Variants in SOX6 observed in about 807,000 individuals in gnomAD.
The protein encoded by SOX6 is SRY-box transcription factor 6.
SOX6 carries 11 observed loss-of-function variants against 97.8 expected under a neutral mutation model. That is an observed-to-expected ratio of 0.11 (90% CI 0.07 to 0.19). SOX6 has a LOEUF of 0.19. SOX6 is among the 10% of genes least tolerant of loss of function. SOX6 has a pLI of 1.00. For synonymous variants in SOX6, 360 were observed against 371.4 expected (o/e 0.97, Z 0.35); for missense variants, 810 against 1,039.5 (o/e 0.78, Z 3.04).
At chr11:16,358,475 C>G (rs920644662), upstream of SOX6, among the ~76,000 whole-genome samples, 1 of 152,116 alleles carries the variant, frequency 6.6e-6, no homozygotes, top group African/African-American at 2.4e-5. Flanking sequence ...GTTTGAACAT[C>G]TAGCAGCTGA....
At chr11:16,085,662 GT>G (rs1467362171) in intron 9 of SOX6, among the ~76,000 whole-genome samples, 1 of 152,162 alleles carries the variant, frequency 6.6e-6, no homozygotes, top group Admixed American at 6.5e-5. Flanking sequence ...GAGAGGTTAA[GT>G]GAGAGCAACA....
At chr11:16,257,162 C>T (rs1261577464) in intron 3 of SOX6, among the ~76,000 whole-genome samples, 1 of 151,808 alleles carries the variant, frequency 6.6e-6, no homozygotes, top group Non-Finnish European at 1.5e-5. Context: ...TCAATGCAAT[C>T]CCAATCAAAA....
chr11:16,255,841 GAA>G (rs35186404), intron 3 of SOX6, among the ~76,000 whole-genome samples: 3 of 139,934 alleles, frequency 2.1e-5, no homozygotes, highest in Admixed American at 7.0e-5. Flanking sequence ...CAGACTAAAG[GAA>G]AAAAAAAAAA....
intron 4 of SOX6, among the ~76,000 whole-genome samples, chr11:16,204,873 G>T (rs1852031943): frequency 6.6e-6 from 1 of 152,010 alleles, no homozygotes; most frequent in Non-Finnish European, 1.5e-5. Flanking sequence ...TAGCTAATTA[G>T]CTAGTGACAG....
intron 1 of SOX6, among the ~76,000 whole-genome samples, chr11:16,394,251 AT>A (rs1191412908): frequency 6.6e-6 from 1 of 152,030 alleles, no homozygotes; most frequent in Non-Finnish European, 1.5e-5. Flanking sequence ...AAGTAAAAAA[AT>A]GTATAAGATA....
At chr11:16,043,435 G>A (rs1327772988) in intron 12 of SOX6, among the ~76,000 whole-genome samples, 1 of 152,066 alleles carries the variant, frequency 6.6e-6, no homozygotes, top group African/African-American at 2.4e-5. Context: ...AATACCCCGT[G>A]ACACATCGAC....
At chr11:15,974,562 C>T (rs1853414844) in intron 15 of SOX6, among the ~76,000 whole-genome samples, 1 of 136,306 alleles carries the variant, frequency 7.3e-6, no homozygotes, top group Admixed American at 7.3e-5. Context: ...GACCACAGTC[C>T]CCAGAGTGTG....
Position 16,516,617 on chromosome 11 carries a change from G to C in SOX6, n.610-40229C>G, listed in dbSNP as rs1226836870. Among the ~76,000 whole-genome samples the C allele has an allele frequency of 5.9e-5, 9 of 151,518 alleles. No individual in the cohort carries two copies. The East Asian group carries it at 7.8e-4, about 13-fold the overall frequency. ...TTCCTCGACACATACACTCTCCCAA[G>C]ACTAAACCAGGAAGAAGTTGAATCT... On this transcript the variant is annotated intron_variant and non_coding_transcript_variant, in intron 4 of 5. Transcript: ENST00000524520.
At chr11:16,046,142 T>C (rs1855822188) in intron 12 of SOX6, among the ~76,000 whole-genome samples, 1 of 152,216 alleles carries the variant, frequency 6.6e-6, no homozygotes, top group African/African-American at 2.4e-5. Context: ...TGGTGAGTCA[T>C]GGTAACATAT....
At chr11:16,117,968 C>CTT (rs145651215) in intron 6 of SOX6, among the ~76,000 whole-genome samples, 2 of 151,994 alleles carry the variant, frequency 1.3e-5, no homozygotes, top group African/African-American at 4.8e-5. Flanking sequence ...CAAATAGCAT[C>CTT]TTTTTTTTCT....
chr11:16,424,915 T>C (rs1436311868), intron 1 of SOX6, among the ~76,000 whole-genome samples: 2 of 152,182 alleles, frequency 1.3e-5, no homozygotes, highest in Non-Finnish European at 2.9e-5. Flanking sequence ...GAAAGATACA[T>C]TGACTGTTCT....
At chr11:16,208,366 C>G (rs1173057938) in intron 4 of SOX6, among the ~76,000 whole-genome samples, 4 of 152,144 alleles carry the variant, frequency 2.6e-5, no homozygotes, top group African/African-American at 9.7e-5. Flanking sequence ...ATACTATAAT[C>G]TTTTCTGTCT....
chr11:16,521,849 C>T (rs887959709), intron 4 of SOX6, among the ~76,000 whole-genome samples: 53 of 151,912 alleles, frequency 3.5e-4, no homozygotes, highest in Non-Finnish European at 2.8e-4. Context: ...CCTCAGGAGC[C>T]GATGTGATCA....
rs117711832 is a variant in SOX6, at chr11:16,439,012, C to A, written c.-5+37303G>T. Among the ~76,000 whole-genome samples, 1,290 of 152,186 alleles carry A rather than the reference C, an allele frequency of 8.5e-3. 12 individuals are homozygous for A. The highest frequency in any genetic ancestry group is 0.017 in the Middle Eastern group (5 of 294). ...AGCCAAAAGAACTTTTTTCATCAGG[C>A]AAGTATAAGAGAAAGATAAGACAGA... On this transcript the variant is annotated intron_variant, in intron 1 of 15. Transcript: ENST00000396356.
chr11:16,599,984 G>A (rs894914261), intron 4 of SOX6, among the ~76,000 whole-genome samples: 9 of 152,186 alleles, frequency 5.9e-5, no homozygotes, highest in African/African-American at 2.2e-4. Context: ...TGAGGGGGTA[G>A]CTCAAAAAAT....
chr11:16,406,216 T>C (rs1013972767), intron 1 of SOX6, among the ~76,000 whole-genome samples: 2 of 152,088 alleles, frequency 1.3e-5, no homozygotes, highest in African/African-American at 4.8e-5. Flanking sequence ...ATATTGTCAT[T>C]GGAACAAGAA....
chr11:16,388,091 T>C (rs1858046234), intron 1 of SOX6, among the ~76,000 whole-genome samples: 2 of 152,158 alleles, frequency 1.3e-5, no homozygotes. Flanking sequence ...TAGCCATCCT[T>C]TTCAGATAAA....
intron 9 of SOX6, among the ~76,000 whole-genome samples, chr11:16,080,479 T>C (rs1848449795): frequency 6.6e-6 from 1 of 152,168 alleles, no homozygotes; most frequent in Non-Finnish European, 1.5e-5. Flanking sequence ...TGAATTAACA[T>C]GCAGAATGTG....
intron 9 of SOX6, among the ~76,000 whole-genome samples, chr11:16,068,815 T>G (rs1848153569): frequency 6.6e-6 from 1 of 152,224 alleles, no homozygotes; most frequent in South Asian, 2.1e-4. Flanking sequence ...GCTCCTATCA[T>G]AGCTCAACCT....
Sources: gnomAD v4.1 joint callset for allele counts (sites outside exome capture counted in the v4.1 genomes callset) on GRCh38, gnomAD v4.1.1 for gene constraint, MANE v1.5 for transcripts, NCBI Gene and HGNC (gene_info 2026-07-23, HGNC 2026-07-21) for gene names.